Variants in RESF1 observed in about 807,000 individuals in gnomAD.
The protein encoded by RESF1 is retroelement silencing factor 1, also known as gonad expressed transcript.
A neutral mutation model predicts 134.7 loss-of-function variants in RESF1; 65 were observed. The observed-to-expected ratio is 0.48, with a 90% CI of 0.40 to 0.59. The LOEUF (loss-of-function observed/expected upper bound fraction) is 0.59, where lower values mean the gene tolerates loss of function less well. RESF1 is among the 20% of genes least tolerant of loss of function. The pLI, the probability that RESF1 is intolerant of heterozygous loss-of-function variation, is 0.00. For synonymous variants in RESF1, 762 were observed against 702.2 expected (o/e 1.09, Z -1.35); for missense variants, 2,274 against 2,002.7 (o/e 1.14, Z -2.59).
At position 31,982,234 on chromosome 12, in the gene RESF1, A is replaced by G; in HGVS notation, c.1279A>G (p.Ile427Val). The stretch of plus-strand genomic sequence containing the variant: ...AGATCTTTTGATGGCAGCAGGTTGT[A>G]TTAAAATGACTAATACTTCTTATAG... ...NKDLLMAAGC[I>V]KMTNTSYSEP... is the part of the protein sequence containing the mutation. Residue 427 changes from isoleucine (I) to valine (V), a missense_variant, in exon 4 of 6, where the codon ATT (isoleucine) becomes GTT (valine). Physicochemically the swap from Ile to Val is conservative, Grantham distance 29 (BLOSUM62 3). Coordinates refer to ENST00000312561, the MANE Select transcript of RESF1 (RefSeq NM_018169.4). 6.2e-7 allele frequency: 1 copy of G among 1,613,474 alleles called. No individual in the cohort carries two copies. The highest frequency in any genetic ancestry group is 1.1e-5 in the South Asian group (1 of 90,780).
chr12:31,962,875 A>G (rs1357293991), intron 2 of RESF1, among the ~76,000 whole-genome samples: 1 of 152,148 alleles, frequency 6.6e-6, no homozygotes, highest in African/African-American at 2.4e-5. Context: ...AGGTGGGCAG[A>G]TCACCTGAGG....
chr12:31,963,952 G>A (rs1385473193), intron 2 of RESF1, among the ~76,000 whole-genome samples: 1 of 152,106 alleles, frequency 6.6e-6, no homozygotes. Flanking sequence ...CGTTTGACAC[G>A]TTTTCACTCT....
intron 2 of RESF1, among the ~76,000 whole-genome samples, chr12:31,964,600 A>G (rs539619284): frequency 2.6e-5 from 4 of 152,308 alleles, no homozygotes; most frequent in Admixed American, 6.5e-5. Flanking sequence ...TTATACAGCA[A>G]TGTTTGAGAG....
intron 2 of RESF1, among the ~76,000 whole-genome samples, chr12:31,966,129 A>G (rs1443471634): frequency 1.3e-5 from 2 of 152,152 alleles, no homozygotes; most frequent in South Asian, 4.1e-4. Flanking sequence ...CATAAAATAC[A>G]CTAACACTAA....
chr12:31,964,825 G>A (rs944986034), intron 2 of RESF1, among the ~76,000 whole-genome samples: 4 of 152,214 alleles, frequency 2.6e-5, no homozygotes, highest in African/African-American at 9.6e-5. Flanking sequence ...AAGTTTTTAA[G>A]ATATCCTGGA....
chr12:31,970,884 T>C (rs1171088510), intron 3 of RESF1, among the ~76,000 whole-genome samples: 1 of 150,136 alleles, frequency 6.7e-6, no homozygotes, highest in African/African-American at 2.4e-5. Context: ...TATAATTTCA[T>C]ATAAAAGCCT....
chr12:31,986,989 G>A (rs185915900), intron 4 of RESF1, among the ~76,000 whole-genome samples: 78 of 152,270 alleles, frequency 5.1e-4, no homozygotes, highest in African/African-American at 1.9e-3. Flanking sequence ...TTAATATCTG[G>A]AGATGTATTA....
chr12:31,971,917 A>C (rs1450947322), intron 3 of RESF1, among the ~76,000 whole-genome samples: 1 of 152,166 alleles, frequency 6.6e-6, no homozygotes, highest in African/African-American at 2.4e-5. Context: ...TTGAAGGTGC[A>C]CCTGGTTGAG....
chr12:31,981,134 C>T lies in RESF1; in HGVS notation c.179C>T (p.Ser60Leu), dbSNP rs1309519182. Residue 60 changes from serine to leucine, a missense_variant, in exon 4 of 6, where the codon TCA (serine) becomes TTA (leucine). Ser to Leu is a moderately radical substitution (Grantham distance 145, BLOSUM62 -2). Transcript: ENST00000312561. ...CMYPGNSNPI[S>L]QPLLNIQNYP... is the part of the protein sequence containing the mutation. ...TATCCCGGTAATTCAAATCCAATTT[C>T]ACAGCCACTGCTGAATATCCAAAAT... The T allele has an allele frequency of 1.2e-6, 2 of 1,614,202 alleles. No individual in the cohort carries two copies. The highest frequency in any genetic ancestry group is 1.7e-5 in the Admixed American group (1 of 60,024).
chr12:31,984,482 G>A lies in RESF1; in HGVS notation c.3527G>A (p.Gly1176Asp). 6.2e-7 allele frequency: 1 copy of A among 1,611,938 alleles called. No individual in the cohort carries two copies. The highest frequency in any genetic ancestry group is 8.5e-7 in the Non-Finnish European group (1 of 1,178,408). Residue 1176 changes from glycine (G) to aspartate (D), a missense_variant, in exon 4 of 6, where the codon GGC becomes GAC. By Grantham distance (94) the Gly-to-Asp change is moderately conservative. Transcript: ENST00000312561. ...EKDDIHCCAL[G>D]WLSMVYEGVP... ...GATGATATCCACTGCTGTGCATTGG[G>A]CTGGCTCTCCATGGTTTACGAAGGA...
chr12:31,962,886 TC>T (rs1293683469), intron 2 of RESF1, among the ~76,000 whole-genome samples: 3 of 146,844 alleles, frequency 2.0e-5, no homozygotes, highest in African/African-American at 7.6e-5. Flanking sequence ...TCACCTGAGG[TC>T]AGGAGTTGGA....
chr12:31,985,810 A>T lies in RESF1; in HGVS notation c.4855A>T (p.Thr1619Ser). 6.4e-7 allele frequency: 1 copy of T among 1,565,376 alleles called. No homozygotes were observed. Among genetic ancestry groups the T allele is most frequent in the South Asian group, 1.2e-5 (1 of 82,632 alleles). The part of the protein sequence containing the change: ...KDKRQENKHK[T>S]FLPVKGNTEK... ...TAAGAGACAGGAAAATAAACATAAG[A>T]CCTTTTTACCGGTGAAAGGTAACAC... is the stretch of plus-strand genomic sequence containing the variant. Residue 1619 changes from threonine (T) to serine (S), a missense_variant, in exon 4 of 6, where the codon ACC (threonine) becomes TCC (serine). By Grantham distance (58) the Thr-to-Ser change is moderately conservative. Coordinates refer to ENST00000312561, the MANE Select transcript of RESF1 (RefSeq NM_018169.4).
chr12:31,975,264 GAAAAAA>G (rs373522445), intron 3 of RESF1, among the ~76,000 whole-genome samples: 3 of 149,672 alleles, frequency 2.0e-5, no homozygotes, highest in African/African-American at 7.4e-5. Flanking sequence ...GACTCCATCT[GAAAAAA>G]AAAGAAAAAG....
At position 31,984,046 on chromosome 12, in the gene RESF1, T is replaced by G. The variant is rs1362011559; in HGVS notation, c.3091T>G (p.Tyr1031Asp). 6.2e-7 allele frequency: 1 copy of G among 1,613,974 alleles called. No homozygotes were observed. The highest frequency in any genetic ancestry group is 8.5e-7 in the Non-Finnish European group (1 of 1,180,004). ...YPQEIDASSN[Y>D]TPQDPARNEI... ...TCAGGAAATAGATGCATCCAGCAAC[T>G]ATACTCCCCAAGATCCTGCAAGAAA... Residue 1031 changes from tyrosine to aspartate, a missense_variant, in exon 4 of 6, where the codon TAT becomes GAT. Physicochemically the swap from Tyr to Asp is radical, Grantham distance 160. Coordinates refer to ENST00000312561, the MANE Select transcript of RESF1 (RefSeq NM_018169.4).
At chr12:31,980,807 A>T (rs1222521525) in intron 3 of RESF1, 71 bp from the exon 4 acceptor site, 1 of 599,352 alleles carries the variant, frequency 1.7e-6, no homozygotes, top group Non-Finnish European at 2.8e-6. Flanking sequence ...ATGGACAGTC[A>T]GCTACTAATT....
At chr12:31,970,862 C>T (rs12296719) in intron 3 of RESF1, among the ~76,000 whole-genome samples, 2,550 of 151,850 alleles carry the variant, frequency 0.017, 74 homozygotes, top group African/African-American at 0.059. Context: ...TAGGAGTCCC[C>T]CTCCCTTCTC....
chr12:31,978,170 C>T (rs1939679687), intron 3 of RESF1, among the ~76,000 whole-genome samples: 1 of 152,024 alleles, frequency 6.6e-6, no homozygotes, highest in South Asian at 2.1e-4. Flanking sequence ...TATCTTTACA[C>T]TCAGCTGTTT....
At chr12:31,959,703 G>A (rs1332367528) in intron 1 of RESF1, 1 of 150,992 alleles carries the variant, frequency 6.6e-6, no homozygotes, top group Non-Finnish European at 1.5e-5. Flanking sequence ...GCCCACCGGA[G>A]CTGGGCCGGG....
Position 31,985,519 on chromosome 12 carries a change from C to G in RESF1, c.4564C>G (p.His1522Asp), listed in dbSNP as rs769225454. Residue 1522 changes from histidine to aspartate, a missense_variant, in exon 4 of 6, where the codon CAC (histidine) becomes GAC (aspartate). Transcript: ENST00000312561. Reference protein sequence around the residue: ...LTSHGKNLKIHHSQESKTYNI... With the variant: ...LTSHGKNLKIDHSQESKTYNI... ...AAGCCATGGTAAAAACCTCAAAATC[C>G]ACCATTCTCAGGAGTCTAAAACATA... 2 of 1,601,590 alleles carry G rather than the reference C, an allele frequency of 1.2e-6. No individual in the cohort carries two copies. Among genetic ancestry groups the G allele is most frequent in the South Asian group, 2.3e-5 (2 of 88,574 alleles).
Sources: gnomAD v4.1 joint callset for allele counts (sites outside exome capture counted in the v4.1 genomes callset) on GRCh38, gnomAD v4.1.1 for gene constraint, MANE v1.5 for transcripts, NCBI Gene and HGNC (gene_info 2026-07-23, HGNC 2026-07-21) for gene names.